Variants in RRAGB observed in about 807,000 individuals in gnomAD.
RRAGB encodes Ras related GTP binding B.
RRAGB carries 6 observed loss-of-function variants against 29.3 expected under a neutral mutation model. The observed-to-expected ratio is 0.21, with a 90% confidence interval of 0.11 to 0.40. The LOEUF (loss-of-function observed/expected upper bound fraction) is 0.40. RRAGB is among the 10% of genes least tolerant of loss of function. The pLI is 1.00. For synonymous variants in RRAGB, 101 were observed against 92.5 expected, an observed-to-expected ratio of 1.09 and a Z score of -0.53; for missense variants, 184 against 272.9, an observed-to-expected ratio of 0.67 and a Z score of 2.29.
chrX:55,756,535 A>C (rs1014496206), intron 8 of RRAGB, among the ~76,000 whole-genome samples: 6 of 112,486 alleles, frequency 5.3e-5, no homozygotes, highest in Admixed American at 9.4e-5. Context: ...TTTATGCCTT[A>C]GCACACTTTG....
At chrX:55,722,386 G>A (rs887174608) in intron 3 of RRAGB, 101 bp downstream of exon 3, 9 of 520,228 alleles carry the variant, frequency 1.7e-5, no homozygotes, top group Non-Finnish European at 2.8e-5. Context: ...AGAGGTTGGG[G>A]AATTTGTTAT....
chrX:55,748,959 TGGG>T (rs1296181052), intron 5 of RRAGB, among the ~76,000 whole-genome samples: 4 of 52,571 alleles, frequency 7.6e-5, no homozygotes, highest in African/African-American at 8.1e-5. Context: ...GGGAGGGAGG[TGGG>T]GGAGTCAGCC....
chrX:55,720,034 C>T (rs763907098), intron 2 of RRAGB, among the ~76,000 whole-genome samples: 2 of 112,251 alleles, frequency 1.8e-5, no homozygotes, highest in Admixed American at 1.9e-4. Context: ...ACATGATTAG[C>T]CTTGGTAAGT....
intron 3 of RRAGB, chrX:55,727,199 C>T (rs2033509587): frequency 2.8e-6 from 2 of 720,164 alleles, no homozygotes; most frequent in Non-Finnish European, 3.9e-6. Flanking sequence ...GAGTAGAAAC[C>T]TGATTTCTAT....
At chrX:55,734,698 G>A (rs751288471) in intron 5 of RRAGB, among the ~76,000 whole-genome samples, 1 of 111,381 alleles carries the variant, frequency 9.0e-6, no homozygotes, top group African/African-American at 3.3e-5. Flanking sequence ...TGTTTCTCCA[G>A]TTCCTTGAGG....
At chrX:55,756,188 G>A (rs965908035) in intron 8 of RRAGB, among the ~76,000 whole-genome samples, 3 of 111,621 alleles carry the variant, frequency 2.7e-5, no homozygotes, top group African/African-American at 9.8e-5. Context: ...TACTATTTGC[G>A]AAGAAATAAA....
At chrX:55,719,410 T>C (rs994035180) in intron 2 of RRAGB, 63 bp downstream of exon 2, 2 of 880,883 alleles carry the variant, frequency 2.3e-6, no homozygotes, top group Non-Finnish European at 3.2e-6. Flanking sequence ...ATTCAGGAAC[T>C]TTGTGACATA....
rs1041105525 is a variant in RRAGB, at chrX:55,755,012, A to G, written c.736-829A>G. The G allele has an allele frequency of 9.6e-6, 6 of 627,299 alleles. No homozygotes were observed. The South Asian group carries it at 2.5e-4, about 26-fold the overall frequency. 51.7% of individuals were successfully genotyped at this position (627,299 alleles called of 1,213,427 possible). ...CACACATGGTTGTAGAGGTTAACCT[A>G]ATATAAGCTCCCTGTTCCTTACTAA... On this transcript the variant is annotated intron_variant, in intron 7 of 9. Coordinates refer to ENST00000374941, the MANE Select transcript of RRAGB (RefSeq NM_006064.5).
intron 5 of RRAGB, among the ~76,000 whole-genome samples, chrX:55,732,798 G>T (rs1031821148): frequency 9.0e-6 from 1 of 111,384 alleles, no homozygotes; most frequent in African/African-American, 3.3e-5. Context: ...GTTTGTGAGG[G>T]CCTTGTTATT....
At chrX:55,728,556 C>T (rs752555312) in intron 3 of RRAGB, among the ~76,000 whole-genome samples, 6 of 111,176 alleles carry the variant, frequency 5.4e-5, no homozygotes, top group Non-Finnish European at 7.6e-5. Flanking sequence ...CCTTGAATGC[C>T]TCCCCATAGG....
chrX:55,732,783 C>T (rs2033728367), intron 5 of RRAGB, among the ~76,000 whole-genome samples: 1 of 111,456 alleles, frequency 9.0e-6, no homozygotes, highest in Non-Finnish European at 1.9e-5. Context: ...CAGCTTGGGT[C>T]TTGAGTTTGT....
intron 2 of RRAGB, among the ~76,000 whole-genome samples, chrX:55,720,513 G>T (rs1449327004): frequency 2.7e-5 from 3 of 111,291 alleles, no homozygotes; most frequent in Non-Finnish European, 5.7e-5. Flanking sequence ...AATATCTTGG[G>T]ATTGAAGGTA....
chrX:55,718,066 T>A lies in RRAGB; in HGVS notation c.-262T>A, dbSNP rs2033116449. 2 of 257,469 alleles carry A rather than the reference T, an allele frequency of 7.8e-6. No individual in the cohort carries two copies. Among genetic ancestry groups the A allele is most frequent in the African/African-American group, 5.5e-5 (2 of 36,187 alleles). 21.2% of individuals were successfully genotyped at this position (257,469 alleles called of 1,213,427 possible). A position where few individuals can be genotyped will look rare whatever the true frequency, so the allele number is the denominator to read the frequency against. On this transcript the variant is annotated 5_prime_UTR_variant, in exon 1 of 10. Transcript: ENST00000374941. ...CTCTCTTTTCCTGTCATTCTCCAACTCTTACTTTGTACCACGGAATCACTT... is the reference window on the plus strand; with the variant it reads ...CTCTCTTTTCCTGTCATTCTCCAACACTTACTTTGTACCACGGAATCACTT...
Position 55,744,387 on chromosome X carries a change from C to CAAAAAAAAA in RRAGB, c.517-6705_517-6697dup, listed in dbSNP as rs56294534. 1.1e-4 allele frequency among the ~76,000 whole-genome samples: 4 copies of CAAAAAAAAA among 35,771 alleles called. 1 individual carries two copies. Among genetic ancestry groups the CAAAAAAAAA allele is most frequent in the African/African-American group, 1.7e-4 (2 of 11,459 alleles). 31.1% of individuals were successfully genotyped at this position (35,771 alleles called of 115,157 possible). A position where few individuals can be genotyped will look rare whatever the true frequency, so the allele number is the denominator to read the frequency against. ...CTCCAGCTTGGGTGACAGAGTGAGC[C>CAAAAAAAAA]AAAAAAAAAAAAAAAAAGTAGTATA... On this transcript the variant is annotated intron_variant, in intron 5 of 9. Coordinates refer to ENST00000374941, the MANE Select transcript of RRAGB (RefSeq NM_006064.5).
In RRAGB at chrX:55,719,320, G is replaced by C; in HGVS notation, c.99G>C (p.Val33=). 8.4e-7 allele frequency: 1 copy of C among 1,192,212 alleles called. No individual in the cohort carries two copies. The highest frequency in any genetic ancestry group is 1.1e-6 in the Non-Finnish European group (1 of 885,280). ...TTTTGGTTTATATCTGCAGGTGGGT[G>C]CTACCAAATACAGCCATGAAGAAAA... The part of the protein sequence containing the change: ...LGEPEGSLGW[V]LPNTAMKKKV... Residue 33 remains valine, a synonymous_variant, in exon 2 of 10, where the codon GTG becomes GTC. Transcript: ENST00000374941.
intron 3 of RRAGB, 85 bp downstream of exon 3, chrX:55,722,370 A>T: frequency 1.7e-6 from 1 of 594,824 alleles, no homozygotes; most frequent in Non-Finnish European, 2.7e-6. Flanking sequence ...TACCTTGGGG[A>T]TGCAGAGAGG....
chrX:55,722,225 A>G lies in RRAGB; in HGVS notation c.166A>G (p.Met56Val). The G allele has an allele frequency of 8.3e-7, 1 of 1,198,187 alleles. No homozygotes were observed. The highest frequency in any genetic ancestry group is 3.0e-5 in the East Asian group (1 of 33,680). The change falls in exon 3 of 10, where the codon ATG becomes GTG. Residue 56 changes from methionine to valine, a missense_variant. Met to Val is a conservative substitution (Grantham distance 21). Coordinates refer to ENST00000374941, the MANE Select transcript of RRAGB (RefSeq NM_006064.5). ...TAAAAGTGGGTCTGGTAAGACCAGC[A>G]TGAGGTCTATTATCTTTGCAAATTA... is the stretch of plus-strand genomic sequence containing the variant. ...MGKSGSGKTS[M>V]RSIIFANYIA...
chrX:55,752,197 A>G, intron 6 of RRAGB: 1 of 748,067 alleles, frequency 1.3e-6, no homozygotes, highest in Non-Finnish European at 1.6e-6. Flanking sequence ...ATACTGTTCT[A>G]GATTAATATG....
chrX:55,749,215 C>T (rs1483843013), intron 5 of RRAGB, among the ~76,000 whole-genome samples: 9 of 85,005 alleles, frequency 1.1e-4, no homozygotes, highest in African/African-American at 2.7e-4. Context: ...CCTGGCCAGC[C>T]GCCCCGTCCG....
Sources: allele counts gnomAD v4.1 joint callset (sites outside exome capture counted in the v4.1 genomes callset), GRCh38; gene constraint gnomAD v4.1.1; transcripts MANE v1.5; gene names NCBI Gene and HGNC (gene_info 2026-07-23, HGNC 2026-07-21).